Variants in SPAST observed in about 807,000 individuals in gnomAD.
The protein encoded by SPAST is spastic paraplegia 4 (autosomal dominant; spastin).
In SPAST, 30 loss-of-function variants were observed where a neutral mutation model predicts 76.6. The observed-to-expected ratio is 0.39, with a 90% CI of 0.29 to 0.53. The LOEUF (loss-of-function observed/expected upper bound fraction) is 0.53. Among genes scored for constraint, SPAST ranks in the 20% least tolerant of loss-of-function variants. The pLI is 0.68. For synonymous variants in SPAST, 305 were observed against 281.0 expected (o/e 1.09, Z -0.86); for missense variants, 717 against 770.5 (o/e 0.93, Z 0.82).
chr2:32,079,104 G>A (rs550505163), intron 1 of SPAST, among the ~76,000 whole-genome samples: 1 of 152,190 alleles, frequency 6.6e-6, no homozygotes, highest in South Asian at 2.1e-4. Flanking sequence ...GCCTCCCGAA[G>A]TGTTGAGAGA....
At chr2:32,114,145 T>C (rs1678731551) in intron 4 of SPAST, among the ~76,000 whole-genome samples, 2 of 152,124 alleles carry the variant, frequency 1.3e-5, no homozygotes, top group East Asian at 3.8e-4. Flanking sequence ...TGGCTCACTC[T>C]TGTAATCCCA....
At chr2:32,098,622 A>G (rs1182474169) in intron 3 of SPAST, among the ~76,000 whole-genome samples, 174 bp from the exon 4 acceptor site, 2 of 152,146 alleles carry the variant, frequency 1.3e-5, no homozygotes, top group Non-Finnish European at 1.5e-5. Context: ...TCGTGACTTC[A>G]TTTTTACTAA....
chr2:32,080,257 A>G (rs966584920), intron 1 of SPAST, among the ~76,000 whole-genome samples: 6 of 151,938 alleles, frequency 3.9e-5, no homozygotes, highest in Admixed American at 3.9e-4. Flanking sequence ...TTCTTTTCCC[A>G]TTTTTTAATT....
chr2:32,100,254 T>C (rs1362222245), intron 4 of SPAST, among the ~76,000 whole-genome samples: 1 of 152,000 alleles, frequency 6.6e-6, no homozygotes, highest in Non-Finnish European at 1.5e-5. Context: ...ATTTCCCTCA[T>C]AATTAACGAT....
chr2:32,110,737 T>TA (rs1558320100), intron 4 of SPAST, among the ~76,000 whole-genome samples: 12 of 131,962 alleles, frequency 9.1e-5, no homozygotes, highest in African/African-American at 3.5e-4. Flanking sequence ...TATAGTACAC[T>TA]GTATAGTATA....
chr2:32,124,589 C>T (rs757481008), intron 7 of SPAST, among the ~76,000 whole-genome samples: 1 of 152,128 alleles, frequency 6.6e-6, no homozygotes, highest in African/African-American at 2.4e-5. Context: ...AAAAACTGCA[C>T]ATGAATATTT....
chr2:32,140,350 C>G (rs936550845), intron 12 of SPAST, among the ~76,000 whole-genome samples: 1 of 152,184 alleles, frequency 6.6e-6, no homozygotes, highest in Non-Finnish European at 1.5e-5. Context: ...TAAGCTCTTA[C>G]ATTTCACTGG....
At chr2:32,133,040 C>T (rs903707540) in intron 9 of SPAST, among the ~76,000 whole-genome samples, 9 of 121,744 alleles carry the variant, frequency 7.4e-5, no homozygotes, top group Non-Finnish European at 1.3e-4. Flanking sequence ...AAGTGAAACT[C>T]CATCTCAAAA....
chr2:32,142,415 T>C (rs1045893995), intron 13 of SPAST, among the ~76,000 whole-genome samples: 3 of 152,146 alleles, frequency 2.0e-5, no homozygotes, highest in African/African-American at 7.2e-5. Flanking sequence ...AATTTATTTT[T>C]TATTTATTTA....
chr2:32,150,344 C>T (rs530797954), intron 16 of SPAST, among the ~76,000 whole-genome samples: 1 of 150,122 alleles, frequency 6.7e-6, no homozygotes, highest in South Asian at 2.1e-4. Context: ...CCCACCTTGG[C>T]CTCCCAAAGT....
At chr2:32,131,990 T>G (rs1679385052) in intron 9 of SPAST, among the ~76,000 whole-genome samples, 1 of 152,182 alleles carries the variant, frequency 6.6e-6, no homozygotes, top group African/African-American at 2.4e-5. Context: ...TCCATACTTT[T>G]TTCAAGAGTA....
At chr2:32,128,383 A>T in intron 8 of SPAST, 25 bp from the exon 9 acceptor site, 1 of 1,499,428 alleles carries the variant, frequency 6.7e-7, no homozygotes, top group Non-Finnish European at 9.3e-7. Flanking sequence ...AACTAATTTA[A>T]TATTTGCTCT....
chr2:32,064,814 A>G (rs2148686550), intron 1 of SPAST, among the ~76,000 whole-genome samples: 1 of 152,318 alleles, frequency 6.6e-6, no homozygotes, highest in African/African-American at 2.4e-5. Context: ...TTTTCAATGA[A>G]GTTATATTTA....
At chr2:32,083,538 A>G (rs1361637798) in intron 1 of SPAST, among the ~76,000 whole-genome samples, 1 of 150,306 alleles carries the variant, frequency 6.7e-6, no homozygotes, top group Non-Finnish European at 1.5e-5. Flanking sequence ...GCATTGTTGT[A>G]TCTTTGGATT....
intron 1 of SPAST, among the ~76,000 whole-genome samples, chr2:32,087,023 A>G (rs1436973193): frequency 6.6e-6 from 1 of 152,180 alleles, no homozygotes; most frequent in Admixed American, 6.5e-5. Context: ...TTGTAATCTC[A>G]TACAGCAGTT....
At chr2:32,133,069 G>A (rs1168186565) in intron 9 of SPAST, among the ~76,000 whole-genome samples, 1 of 151,402 alleles carries the variant, frequency 6.6e-6, no homozygotes, top group Non-Finnish European at 1.5e-5. Context: ...CAGCAGCATT[G>A]TGTAATATTA....
chr2:32,097,431 T>G (rs1020965730), intron 3 of SPAST, among the ~76,000 whole-genome samples: 23 of 152,206 alleles, frequency 1.5e-4, no homozygotes, highest in African/African-American at 5.3e-4. Flanking sequence ...GAGGCGGCTG[T>G]TATTATCAGT....
intron 7 of SPAST, among the ~76,000 whole-genome samples, chr2:32,121,501 AT>A (rs1679017787): frequency 7.0e-6 from 1 of 143,274 alleles, no homozygotes; most frequent in Admixed American, 6.9e-5. Flanking sequence ...TAATTCTTTA[AT>A]TTAAAAAAAG....
chr2:32,144,474 C>G lies in SPAST; in HGVS notation c.1617-463C>G, dbSNP rs548109053. Among the ~76,000 whole-genome samples, 179 of 152,330 alleles carry G rather than the reference C, an allele frequency of 1.2e-3. 1 individual carries two copies. Among genetic ancestry groups the G allele is most frequent in the Middle Eastern group, 6.8e-3 (2 of 294 alleles). On this transcript the variant is annotated intron_variant, in intron 14 of 16. Coordinates refer to ENST00000315285, the MANE Select transcript of SPAST (RefSeq NM_014946.4). ...GAGGCATTACTACATTTGTTTTCAG[C>G]AAATGGGCCTTTCTATTCCCTTAAA...
Sources: gnomAD v4.1 joint callset for allele counts (sites outside exome capture counted in the v4.1 genomes callset) on GRCh38, gnomAD v4.1.1 for gene constraint, MANE v1.5 for transcripts, NCBI Gene and HGNC (gene_info 2026-07-23, HGNC 2026-07-21) for gene names.